Variants in RERE observed in about 807,000 individuals in gnomAD.
RERE encodes the protein arginine-glutamic acid dipeptide repeats protein.
RERE carries 40 observed loss-of-function variants against 146.1 expected under a neutral mutation model. The ratio of observed to expected loss-of-function variants is 0.27; its 90% CI spans 0.21 to 0.36. The LOEUF is 0.36. Ranked by LOEUF, RERE falls within the 10% of genes least tolerant of loss-of-function variation. RERE has a pLI of 1.00. For synonymous variants in RERE, 1,003 were observed against 866.0 expected (o/e 1.16, Z -2.78); for missense variants, 1,933 against 2,138.7 (o/e 0.90, Z 1.90).
chr1:8,617,306 G>A (rs1208188194), intron 3 of RERE, among the ~76,000 whole-genome samples: 2 of 139,280 alleles, frequency 1.4e-5, no homozygotes, highest in Non-Finnish European at 3.0e-5. Flanking sequence ...TCGTGCCATT[G>A]CACTCCAGCC....
At chr1:8,412,951 TTGA>T (rs1643653447) in intron 12 of RERE, among the ~76,000 whole-genome samples, 2 of 152,310 alleles carry the variant, frequency 1.3e-5, no homozygotes, top group African/African-American at 4.8e-5. Context: ...CCTATGACTG[TTGA>T]TGGATTTTTT....
At chr1:8,529,563 C>A (rs1645615727) in intron 7 of RERE, among the ~76,000 whole-genome samples, 1 of 151,680 alleles carries the variant, frequency 6.6e-6, no homozygotes, top group Non-Finnish European at 1.5e-5. Context: ...GCCTCCCAAA[C>A]TGCTGGGATT....
intron 12 of RERE, among the ~76,000 whole-genome samples, chr1:8,409,696 T>C (rs1478283544): frequency 6.6e-6 from 1 of 152,224 alleles, no homozygotes; most frequent in South Asian, 2.1e-4. Flanking sequence ...GTCTGCTAAA[T>C]GGTTGCTATC....
At chr1:8,718,060 A>G (rs148452174) in intron 1 of RERE, among the ~76,000 whole-genome samples, 15 of 152,384 alleles carry the variant, frequency 9.8e-5, no homozygotes, top group African/African-American at 3.6e-4. Context: ...GTTAACACAC[A>G]AGACCATAAG....
Position 8,423,825 on chromosome 1 carries a change from C to T in RERE, c.1204-1018G>A. ...AGCCCGGCGCGGCCGCGGGCGGCTG[C>T]AAAAGGCGGCCTGGATTGCCGCCGC... On this transcript the variant is annotated intron_variant, in intron 11 of 22. Coordinates refer to ENST00000400908, the MANE Select transcript of RERE (RefSeq NM_001042681.2). The surrounding 1 kb of genome is among the most constrained non-coding windows in gnomAD (Gnocchi z 5.4). The T allele has an allele frequency of 2.3e-6, 1 of 439,418 alleles. No homozygotes were observed. The highest frequency in any genetic ancestry group is 3.0e-6 in the Non-Finnish European group (1 of 333,280). 27.2% of individuals were successfully genotyped at this position (439,418 alleles called of 1,614,324 possible). A position where few individuals can be genotyped will look rare whatever the true frequency, so the allele number is the denominator to read the frequency against.
chr1:8,616,028 C>A (rs1285044291), intron 3 of RERE, among the ~76,000 whole-genome samples: 1 of 152,158 alleles, frequency 6.6e-6, no homozygotes, highest in Non-Finnish European at 1.5e-5. Context: ...CCATCACCAA[C>A]ACTGCAAACT....
chr1:8,569,335 G>A (rs546843562), intron 4 of RERE, among the ~76,000 whole-genome samples: 4 of 151,500 alleles, frequency 2.6e-5, no homozygotes, highest in Admixed American at 2.0e-4. Context: ...GTTTGGTGAC[G>A]GCGGTGATGG....
chr1:8,736,320 C>A (rs1253905554), intron 1 of RERE, among the ~76,000 whole-genome samples: 1 of 152,156 alleles, frequency 6.6e-6, no homozygotes, highest in Non-Finnish European at 1.5e-5. Context: ...CATTCTCCTG[C>A]CTCAGCCTCT....
chr1:8,380,541 G>C (rs907033280), intron 12 of RERE, among the ~76,000 whole-genome samples: 6 of 152,038 alleles, frequency 3.9e-5, no homozygotes, highest in African/African-American at 1.4e-4. Flanking sequence ...TAGGGATGGC[G>C]TTTCACCATG....
chr1:8,510,200 C>G (rs1645315424), intron 7 of RERE, among the ~76,000 whole-genome samples: 1 of 152,074 alleles, frequency 6.6e-6, no homozygotes, highest in South Asian at 2.1e-4. Flanking sequence ...CCAGAACAGG[C>G]CGATGCCCGT....
chr1:8,595,203 C>T (rs1431254058), intron 4 of RERE, among the ~76,000 whole-genome samples: 1 of 148,470 alleles, frequency 6.7e-6, no homozygotes, highest in Non-Finnish European at 1.5e-5. Context: ...ACCATGTTAT[C>T]TGTGACTGTG....
At chr1:8,465,891 C>T (rs753887679) in intron 11 of RERE, 34 bp downstream of exon 11, 4 of 1,589,708 alleles carry the variant, frequency 2.5e-6, no homozygotes, top group East Asian at 4.5e-5. Flanking sequence ...GCCCGATGCC[C>T]CAGAGCACAA....
At chr1:8,443,726 TC>T (rs1244173197) in intron 11 of RERE, among the ~76,000 whole-genome samples, 6 of 152,276 alleles carry the variant, frequency 3.9e-5, no homozygotes, top group Non-Finnish European at 5.9e-5. Context: ...GGACACTGCT[TC>T]CCACATGCCC....
intron 1 of RERE, among the ~76,000 whole-genome samples, chr1:8,752,930 CAAT>C (rs1442560893): frequency 1.3e-5 from 2 of 151,932 alleles, no homozygotes; most frequent in Non-Finnish European, 1.5e-5. Context: ...TGTTTTAAAA[CAAT>C]AATAATAATC....
At chr1:8,727,208 T>C (rs556737992) in intron 1 of RERE, among the ~76,000 whole-genome samples, 2 of 152,034 alleles carry the variant, frequency 1.3e-5, no homozygotes, top group Non-Finnish European at 2.9e-5. Context: ...AGTGGCGCGA[T>C]CTCGGCTCAC....
Position 8,356,485 on chromosome 1 carries a change from G to A in RERE, c.4340-239C>T, listed in dbSNP as rs976274211. Among the ~76,000 whole-genome samples the A allele has an allele frequency of 2.6e-5, 4 of 152,110 alleles. No homozygotes were observed. Among genetic ancestry groups the A allele is most frequent in the African/African-American group, 4.8e-5 (2 of 41,434 alleles). On this transcript the variant is annotated intron_variant, in intron 20 of 22. Coordinates refer to ENST00000400908, the MANE Select transcript of RERE (RefSeq NM_001042681.2). This position sits in a 1 kb window ranked among gnomAD's most constrained non-coding sequence, Gnocchi z 5.2. ...CGCTGATGCAGGCACTCCCTCGTCCGCTTGTGGAGTGCCCCTAACAGGCAA... is the reference window on the plus strand; with the variant it reads ...CGCTGATGCAGGCACTCCCTCGTCCACTTGTGGAGTGCCCCTAACAGGCAA...
intron 1 of RERE, among the ~76,000 whole-genome samples, chr1:8,711,111 C>T (rs151184369): frequency 0.046 from 6,480 of 142,050 alleles, 510 homozygotes; most frequent in African/African-American, 0.17. Context: ...GAGCCCAGAT[C>T]GAGCCACTGC....
At chr1:8,412,538 C>T (rs1557618616) in intron 12 of RERE, among the ~76,000 whole-genome samples, 1 of 152,208 alleles carries the variant, frequency 6.6e-6, no homozygotes, top group Non-Finnish European at 1.5e-5. Context: ...TTCATGTGCA[C>T]ACCCTTTAGG....
chr1:8,587,817 T>C (rs1386529596), intron 4 of RERE, among the ~76,000 whole-genome samples: 1 of 152,156 alleles, frequency 6.6e-6, no homozygotes, highest in Non-Finnish European at 1.5e-5. Context: ...TATTCTCCAG[T>C]CAAATTCTTT....
Sources: gnomAD v4.1 joint callset for allele counts (sites outside exome capture counted in the v4.1 genomes callset) on GRCh38, gnomAD v4.1.1 for gene constraint, Gnocchi (gnomAD v3.1) non-coding constraint, MANE v1.5 for transcripts, NCBI Gene and HGNC (gene_info 2026-07-23, HGNC 2026-07-21) for gene names.